The following TMEM131 variants were observed in gnomAD, a reference collection of about 807,000 sequenced individuals.
TMEM131 encodes transmembrane protein 131.
A neutral mutation model predicts 211.6 loss-of-function variants in TMEM131; 66 were observed. The ratio of observed to expected loss-of-function variants is 0.31; its 90% CI spans 0.26 to 0.38. The LOEUF is 0.38. TMEM131 is among the 10% of genes least tolerant of loss of function. The pLI is 1.00. For missense variants in TMEM131, 2,036 were observed against 2,299.3 expected (o/e 0.89, Z 2.34); for synonymous variants, 844 against 841.3 (o/e 1.00, Z -0.06).
chr2:97,975,301 G>C (rs186900612), intron 1 of TMEM131, among the ~76,000 whole-genome samples: 1 of 151,742 alleles, frequency 6.6e-6, no homozygotes, highest in East Asian at 1.9e-4. Flanking sequence ...GAAAAAGTGA[G>C]ACAAATACAA....
At chr2:97,818,463 C>CGA in intron 12 of TMEM131, 150 bp downstream of exon 12, 1 of 283,732 alleles carries the variant, frequency 3.5e-6, no homozygotes, top group East Asian at 4.1e-5. Context: ...TGGTTTACAG[C>CGA]GGGGGGGGGC....
At chr2:97,983,386 G>C (rs1224345564) in intron 1 of TMEM131, among the ~76,000 whole-genome samples, 1 of 152,084 alleles carries the variant, frequency 6.6e-6, no homozygotes. Flanking sequence ...TAGTTTTTCA[G>C]GTCTCTTCGG....
intron 4 of TMEM131, among the ~76,000 whole-genome samples, chr2:97,871,522 A>G (rs1235783834): frequency 6.6e-6 from 1 of 152,172 alleles, no homozygotes; most frequent in East Asian, 1.9e-4. Context: ...AAGCATTACT[A>G]CTACAGAACC....
chr2:97,919,628 T>C (rs1394097042), intron 2 of TMEM131, among the ~76,000 whole-genome samples: 1 of 152,184 alleles, frequency 6.6e-6, no homozygotes, highest in African/African-American at 2.4e-5. Flanking sequence ...CGGAGTGCAA[T>C]GGCACGATCT....
chr2:97,805,679 T>C lies in TMEM131; in HGVS notation c.2080A>G (p.Asn694Asp), dbSNP rs1414391182. Residue 694 changes from asparagine (N) to aspartate (D), a missense_variant, in exon 20 of 41, where the codon AAT becomes GAT. Asn to Asp is a conservative substitution (Grantham distance 23, BLOSUM62 1). This residue lies in a region of TMEM131 where 1,623 missense variants were observed against 1,805.9 expected (regional missense o/e 0.90). Coordinates refer to ENST00000186436, the MANE Select transcript of TMEM131 (RefSeq NM_015348.2). ...TTCTGTGAGAAGGAATTCATAATAT[T>C]TAAACTTTGATGAACTATTTTCCCC... ...FPGKIVHQSL[N>D]IMNSFSQKVK... The C allele has an allele frequency of 6.2e-7, 1 of 1,600,270 alleles. No individual in the cohort carries two copies. The highest frequency in any genetic ancestry group is 1.7e-5 in the Admixed American group (1 of 58,818).
intron 11 of TMEM131, chr2:97,827,155 A>T: frequency 1.8e-6 from 1 of 557,592 alleles, no homozygotes; most frequent in East Asian, 3.4e-5. Flanking sequence ...AGTGTTGGGG[A>T]GGAGTGGCAG....
rs1375131825 is a variant in TMEM131, at chr2:97,793,391, A to G, written c.3545+4T>C. ...GGGAATTTATTGCCAGCATGTGAACATACTTTCCTTCAGATGAAATACCAA... is the reference window on the plus strand; with the variant it reads ...GGGAATTTATTGCCAGCATGTGAACGTACTTTCCTTCAGATGAAATACCAA... On this transcript the variant is annotated splice_donor_region_variant and intron_variant, in intron 30 of 40. Transcript: ENST00000186436. 7.5e-6 allele frequency: 12 copies of G among 1,610,246 alleles called. No individual in the cohort carries two copies. Among genetic ancestry groups the G allele is most frequent in the Non-Finnish European group, 9.3e-6 (11 of 1,177,404 alleles).
intron 3 of TMEM131, among the ~76,000 whole-genome samples, chr2:97,888,937 A>G (rs1013742816): frequency 6.6e-6 from 1 of 152,220 alleles, no homozygotes; most frequent in African/African-American, 2.4e-5. Flanking sequence ...AGACTACTTT[A>G]TTTCCATCAT....
At chr2:97,786,692 T>C (rs1201390248) in intron 31 of TMEM131, among the ~76,000 whole-genome samples, 1 of 152,220 alleles carries the variant, frequency 6.6e-6, no homozygotes, top group African/African-American at 2.4e-5. Context: ...CCATAAATGC[T>C]GTGCATGTGG....
At chr2:97,801,437 G>A in intron 25 of TMEM131, among the ~76,000 whole-genome samples, 1 of 152,204 alleles carries the variant, frequency 6.6e-6, no homozygotes, top group Non-Finnish European at 1.5e-5. Context: ...ATTATCCATT[G>A]AGTGAAAATC....
At chr2:97,862,834 CAGAA>C (rs1674123232) in intron 4 of TMEM131, among the ~76,000 whole-genome samples, 1 of 152,090 alleles carries the variant, frequency 6.6e-6, no homozygotes. Context: ...GTGATAATAA[CAGAA>C]CACTTCCCAA....
In TMEM131 at chr2:97,897,325, A is replaced by T. The variant is rs2104315357; in HGVS notation, c.291-9205T>A. Reference sequence around the variant, plus strand: ...TCCAGTACAATGTTTAATGTAAGTGATGAAAGTGGACATCCTTGCCACTTT... The same window carrying T: ...TCCAGTACAATGTTTAATGTAAGTGTTGAAAGTGGACATCCTTGCCACTTT... On this transcript the variant is annotated intron_variant, in intron 3 of 40. Transcript: ENST00000186436. Among the ~76,000 whole-genome samples the T allele has an allele frequency of 1.3e-5, 2 of 152,204 alleles. 1 individual carries two copies. Among genetic ancestry groups the T allele is most frequent in the South Asian group, 4.1e-4 (2 of 4,824 alleles).
At chr2:97,835,753 T>C (rs931954459) in intron 8 of TMEM131, among the ~76,000 whole-genome samples, 2 of 152,168 alleles carry the variant, frequency 1.3e-5, no homozygotes, top group South Asian at 2.1e-4. Context: ...TCCCCAGCTC[T>C]AGGGAGTTGA....
At chr2:97,957,882 G>C (rs1678642948) in intron 1 of TMEM131, among the ~76,000 whole-genome samples, 1 of 151,996 alleles carries the variant, frequency 6.6e-6, no homozygotes, top group Non-Finnish European at 1.5e-5. Context: ...CATAACCACA[G>C]TGCTAACGGC....
Position 97,908,643 on chromosome 2 carries a change from A to AC in TMEM131, c.290+14_290+15insG. 6.3e-7 allele frequency: 1 copy of AC among 1,584,022 alleles called. No individual in the cohort carries two copies. The highest frequency in any genetic ancestry group is 1.1e-5 in the South Asian group (1 of 88,868). On this transcript the variant is annotated intron_variant, in intron 3 of 40. Coordinates refer to ENST00000186436, the MANE Select transcript of TMEM131 (RefSeq NM_015348.2). ...GAACCGAAAGTATGTTAATTATCTT[A>AC]TTAAATATACTTACCTTTTCTGCTG...
intron 2 of TMEM131, among the ~76,000 whole-genome samples, chr2:97,910,665 G>T (rs1466503851): frequency 6.6e-6 from 1 of 152,098 alleles, no homozygotes. Flanking sequence ...ATTCTAACCG[G>T]TGTGAGATGG....
intron 10 of TMEM131, among the ~76,000 whole-genome samples, 153 bp downstream of exon 10, chr2:97,834,468 C>T (rs1019583255): frequency 6.6e-6 from 1 of 151,898 alleles, no homozygotes; most frequent in Non-Finnish European, 1.5e-5. Context: ...CCTGTAAAGG[C>T]GCTGAGTCTG....
At chr2:97,794,024 CCA>C (rs1680640309) in intron 29 of TMEM131, among the ~76,000 whole-genome samples, 1 of 146,536 alleles carries the variant, frequency 6.8e-6, no homozygotes, top group Admixed American at 6.8e-5. Flanking sequence ...AACAAAAAAC[CCA>C]CAGTTTTATG....
chr2:97,809,670 G>C lies in TMEM131; in HGVS notation c.2055+18C>G, dbSNP rs1421738429. ...CAAAAAACGAGCAATAGAAAAATGTGTGTATTAATGGTCTTACTGGAAAGG... is the reference window on the plus strand; with the variant it reads ...CAAAAAACGAGCAATAGAAAAATGTCTGTATTAATGGTCTTACTGGAAAGG... On this transcript the variant is annotated intron_variant, in intron 19 of 40. Transcript: ENST00000186436. 10 of 1,590,002 alleles carry C rather than the reference G, an allele frequency of 6.3e-6. No individual in the cohort carries two copies. The South Asian group carries it at 1.1e-4, about 18-fold the overall frequency.
Sources: allele counts gnomAD v4.1 joint callset (sites outside exome capture counted in the v4.1 genomes callset), GRCh38; gene constraint gnomAD v4.1.1; regional missense constraint gnomAD v4.1.1; transcripts MANE v1.5; gene names NCBI Gene and HGNC (gene_info 2026-07-23, HGNC 2026-07-21).